KSR2: variants seen among roughly 807,000 people sequenced by gnomAD.
KSR2 encodes the protein kinase suppressor of ras 2.
A neutral mutation model predicts 107.8 loss-of-function variants in KSR2; 25 were observed. The ratio of observed to expected loss-of-function variants is 0.23; its 90% CI spans 0.17 to 0.32. The LOEUF (loss-of-function observed/expected upper bound fraction) is 0.32, where lower values mean the gene tolerates loss of function less well. Among genes scored for constraint, KSR2 ranks in the 10% least tolerant of loss-of-function variants. The pLI is 1.00. For synonymous variants in KSR2, 480 were observed against 507.0 expected (o/e 0.95, Z 0.71); for missense variants, 887 against 1,268.9 (o/e 0.70, Z 4.57).
rs540745194 is a variant in KSR2, at chr12:117,805,603, G to A, written c.473-44079C>T. Among the ~76,000 whole-genome samples the A allele has an allele frequency of 5.3e-5, 8 of 152,290 alleles. No homozygotes were observed. The East Asian group carries it at 5.8e-4, about 11-fold the overall frequency. ...AAATCTCTGAACCTGAATTTGCACC[G>A]TGAGGATTTGCTCATATTTTAGACC... On this transcript the variant is annotated intron_variant, in intron 3 of 19. Transcript: ENST00000339824.
chr12:117,968,301 A>AC lies in KSR2; in HGVS notation c.-47_-46insG. 2.7e-6 allele frequency: 3 copies of AC among 1,124,692 alleles called. No individual in the cohort carries two copies. The highest frequency in any genetic ancestry group is 3.4e-6 in the Non-Finnish European group (3 of 893,560). 69.7% of individuals were successfully genotyped at this position (1,124,692 alleles called of 1,614,324 possible). ...TCCCCTCCTCCTCCTCCCAGAGAGA[A>AC]AAAAGAGGGGGGGGAGTAGAGGTAG... On this transcript the variant is annotated 5_prime_UTR_variant, in exon 1 of 20. Coordinates refer to ENST00000339824, the MANE Select transcript of KSR2 (RefSeq NM_173598.6).
At chr12:117,757,326 C>T (rs73400753) in intron 4 of KSR2, among the ~76,000 whole-genome samples, 7,813 of 152,190 alleles carry the variant, frequency 0.051, 677 homozygotes, top group African/African-American at 0.18. Flanking sequence ...CTTAAATAGA[C>T]AAGGAGTTGC....
chr12:117,924,207 C>G (rs528515426), intron 1 of KSR2, among the ~76,000 whole-genome samples: 1 of 151,658 alleles, frequency 6.6e-6, no homozygotes, highest in South Asian at 2.1e-4. Context: ...GAGGTTAAAA[C>G]TTAAAACTGA....
intron 14 of KSR2, among the ~76,000 whole-genome samples, chr12:117,494,094 G>A (rs929886799): frequency 9.8e-5 from 15 of 152,332 alleles, no homozygotes; most frequent in Non-Finnish European, 1.8e-4. Flanking sequence ...CTGAACACAC[G>A]AATGAATGAA....
In KSR2 at chr12:117,527,950, AGTGTGTGTGTGTGTGT is replaced by A. The variant is rs10664320; in HGVS notation, c.1803-847_1803-832del. On this transcript the variant is annotated intron_variant, in intron 12 of 19. Coordinates refer to ENST00000339824, the MANE Select transcript of KSR2 (RefSeq NM_173598.6). ...AGACCATATTGAGCTGGAAGACACA[AGTGTGTGTGTGTGTGT>A]GTGTGTGTGTGTGTGTGTGTGTGTG... Among the ~76,000 whole-genome samples, 361 of 142,710 alleles carry A rather than the reference AGTGTGTGTGTGTGTGT, an allele frequency of 2.5e-3. 1 individual carries two copies. Among genetic ancestry groups the A allele is most frequent in the Middle Eastern group, 0.01 (3 of 288 alleles). The allele number at this position is 142,710 out of a possible 152,430, so 93.6% of individuals were successfully genotyped here.
At chr12:117,697,671 C>T (rs769198058) in intron 4 of KSR2, among the ~76,000 whole-genome samples, 2 of 144,086 alleles carry the variant, frequency 1.4e-5, no homozygotes, top group Non-Finnish European at 3.0e-5. Flanking sequence ...ACCCAGGAGG[C>T]GGAGGTTGCA....
At chr12:117,658,186 C>T (rs1380730694) in intron 5 of KSR2, among the ~76,000 whole-genome samples, 1 of 152,214 alleles carries the variant, frequency 6.6e-6, no homozygotes, top group Non-Finnish European at 1.5e-5. Context: ...TGGCATGACA[C>T]GTTAAGGATC....
intron 3 of KSR2, among the ~76,000 whole-genome samples, chr12:117,853,742 G>C (rs1893002786): frequency 6.6e-6 from 1 of 152,166 alleles, no homozygotes; most frequent in South Asian, 2.1e-4. Flanking sequence ...CTGAGTGACT[G>C]AGAGGCCCCT....
intron 13 of KSR2, among the ~76,000 whole-genome samples, chr12:117,526,114 T>C (rs1040069861): frequency 3.3e-5 from 5 of 152,174 alleles, no homozygotes; most frequent in Admixed American, 2.0e-4. Context: ...CCCGAGAAAA[T>C]GCAGATTCCT....
intron 3 of KSR2, among the ~76,000 whole-genome samples, chr12:117,829,173 C>T (rs749025732): frequency 2.6e-5 from 4 of 152,180 alleles, no homozygotes; most frequent in Non-Finnish European, 5.9e-5. Flanking sequence ...GTCTCATCTC[C>T]TCTTTTCATC....
intron 5 of KSR2, among the ~76,000 whole-genome samples, chr12:117,638,943 C>CTGTT (rs139622266): frequency 0.17 from 25,256 of 151,982 alleles, 2,174 homozygotes; most frequent in Middle Eastern, 0.24. Flanking sequence ...ACTCCATGAC[C>CTGTT]AACAAAGTAC....
chr12:117,677,549 T>C (rs904603621), intron 4 of KSR2, among the ~76,000 whole-genome samples: 2 of 152,138 alleles, frequency 1.3e-5, no homozygotes, highest in African/African-American at 4.8e-5. Flanking sequence ...AGCCCCTCGA[T>C]CTGTGATATT....
rs758702931 is a variant in KSR2 at position 117,525,237 on chromosome 12, GAGAGGTC to G, written c.1852-25_1852-19del. On this transcript the variant is annotated intron_variant, in intron 13 of 19. Coordinates refer to ENST00000339824, the MANE Select transcript of KSR2 (RefSeq NM_173598.6). ...TCTTCATTCTGTGGCCGGAGTGGGA[GAGAGGTC>G]AGAATTGTGTCTGCCACTGCCCCAG... is the stretch of plus-strand genomic sequence containing the variant. 6.4e-5 allele frequency: 101 copies of G among 1,565,920 alleles called. No individual in the cohort carries two copies.
In KSR2 at chr12:117,936,524, TTATTATTATTAGTAGTAGTAGTAG is replaced by T. The variant is rs1420022903; in HGVS notation, c.180+31528_180+31551del. Among the ~76,000 whole-genome samples, 13 of 93,794 alleles carry T rather than the reference TTATTATTATTAGTAGTAGTAGTAG, an allele frequency of 1.4e-4. No homozygotes were observed. The South Asian group carries it at 1.4e-3, about 10-fold the overall frequency. The allele number at this position is 93,794 out of a possible 152,430, so 61.5% of individuals were successfully genotyped here. Reference sequence around the variant, plus strand: ...CATTATTATTATTTTATTATTATTATTATTATTATTAGTAGTAGTAGTAGTAGTAGTAGTAGTAGTAGTAGTAGT... The same window carrying T: ...CATTATTATTATTTTATTATTATTATTAGTAGTAGTAGTAGTAGTAGTAGT... On this transcript the variant is annotated intron_variant, in intron 1 of 19. Coordinates refer to ENST00000339824, the MANE Select transcript of KSR2 (RefSeq NM_173598.6).
At chr12:117,656,955 T>TAA (rs1355253300) in intron 5 of KSR2, among the ~76,000 whole-genome samples, 1 of 97,544 alleles carries the variant, frequency 1.0e-5, no homozygotes, top group Non-Finnish European at 1.8e-5. Context: ...TATATATATA[T>TAA]ATAATAGGAT....
intron 3 of KSR2, among the ~76,000 whole-genome samples, chr12:117,770,893 T>C (rs7298137): frequency 0.58 from 86,039 of 149,236 alleles, 26,289 homozygotes; most frequent in African/African-American, 0.78. Flanking sequence ...AGGAGAATGG[T>C]GTGAACCCGG....
chr12:117,964,426 C>T (rs544326558), intron 1 of KSR2, among the ~76,000 whole-genome samples: 1 of 152,322 alleles, frequency 6.6e-6, no homozygotes, highest in East Asian at 1.9e-4. Context: ...TTATTGACTA[C>T]CAGCATTAAG....
intron 14 of KSR2, among the ~76,000 whole-genome samples, chr12:117,492,384 C>CT (rs1872791206): frequency 6.9e-6 from 1 of 144,908 alleles, no homozygotes; most frequent in African/African-American, 2.7e-5. Flanking sequence ...CAGCCATGTC[C>CT]TTTCCCTCCT....
intron 7 of KSR2, among the ~76,000 whole-genome samples, chr12:117,564,199 C>T (rs1878310707): frequency 6.6e-6 from 1 of 152,182 alleles, no homozygotes; most frequent in Non-Finnish European, 1.5e-5. Context: ...AACCTCCACA[C>T]CAGATATGGG....
Sources: allele counts gnomAD v4.1 joint callset (sites outside exome capture counted in the v4.1 genomes callset), GRCh38; gene constraint gnomAD v4.1.1; transcripts MANE v1.5; gene names NCBI Gene and HGNC (gene_info 2026-07-23, HGNC 2026-07-21).